Variants in MADD observed in about 807,000 individuals in gnomAD.
MADD encodes the protein MAP kinase activating death domain.
MADD carries 109 observed loss-of-function variants against 176.7 expected under a neutral mutation model. The observed-to-expected ratio is 0.62, with a 90% CI of 0.53 to 0.72. The LOEUF is 0.72. MADD is among the 30% of genes least tolerant of loss of function. The pLI, the probability that MADD is intolerant of heterozygous loss-of-function variation, is 0.00. For synonymous variants in MADD, 771 were observed against 771.3 expected (o/e 1.00, Z 0.01); for missense variants, 1,914 against 2,045.5 (o/e 0.94, Z 1.24).
intron 31 of MADD, chr11:47,328,068 AGGCAGGTCTG>A: frequency 1.0e-6 from 1 of 993,754 alleles, no homozygotes; most frequent in South Asian, 4.5e-5. Context: ...TCCCTCACAC[AGGCAGGTCTG>A]GGCTTCTCCT....
chr11:47,274,000 T>A, intron 2 of MADD, 24 bp downstream of exon 2: 1 of 1,608,404 alleles, frequency 6.2e-7, no homozygotes, highest in African/African-American at 1.3e-5. Flanking sequence ...GATTGACTTT[T>A]GTCTTAATAT....
At chr11:47,324,157 A>G (rs1009666513) in intron 28 of MADD, 108 bp from the exon 32 acceptor site, 12 of 951,630 alleles carry the variant, frequency 1.3e-5, no homozygotes, top group South Asian at 1.3e-4. Flanking sequence ...GACTACTTAA[A>G]ATTTTACCCC....
At chr11:47,288,980 A>G in intron 15 of MADD, 4 of 1,599,086 alleles carry the variant, frequency 2.5e-6, no homozygotes, top group Non-Finnish European at 3.4e-6. Flanking sequence ...TTTGGGCTAA[A>G]TACTCTAATG....
chr11:47,328,766 A>G, intron 32 of MADD, 62 bp downstream of exon 36: 1 of 1,607,196 alleles, frequency 6.2e-7, no homozygotes, highest in Non-Finnish European at 8.5e-7. Flanking sequence ...GGACCTTCGG[A>G]CAGGAGGAGG....
At chr11:47,274,483 C>T in intron 2 of MADD, 80 bp from the exon 3 acceptor site, 2 of 1,161,464 alleles carry the variant, frequency 1.7e-6, no homozygotes, top group South Asian at 1.4e-5. Context: ...GCATCTTGAG[C>T]TTTATTTGTT....
chr11:47,285,519 G>C (rs778368678), exon 14 of MADD: 2 of 1,614,014 alleles, frequency 1.2e-6, no homozygotes, highest in South Asian at 1.1e-5. Context: ...TCAGACTCTC[G>C]GGCAAGCTCT....
At chr11:47,318,274 G>T (rs991893625) in intron 27 of MADD, among the ~76,000 whole-genome samples, 1 of 152,118 alleles carries the variant, frequency 6.6e-6, no homozygotes, top group African/African-American at 2.4e-5. Context: ...TTTTGCCTAT[G>T]TTATCTGTTC....
At chr11:47,327,034 C>T (rs919577006) in intron 31 of MADD, 24 of 1,301,986 alleles carry the variant, frequency 1.8e-5, no homozygotes, top group Non-Finnish European at 2.2e-5. Context: ...AGGTGGGTTT[C>T]GAGTTTAGAG....
chr11:47,324,293 A>G (rs2095095039), exon 29 of MADD: 2 of 1,614,106 alleles, frequency 1.2e-6, no homozygotes, highest in South Asian at 1.1e-5. Flanking sequence ...TGTGTGAAGG[A>G]CAGCATGGAG....
intron 10 of MADD, 96 bp from the exon 11 acceptor site, chr11:47,284,082 C>A (rs921073312): frequency 1.2e-6 from 1 of 825,378 alleles, no homozygotes; most frequent in African/African-American, 1.7e-5. Flanking sequence ...GCCTTGAGTT[C>A]GGAGTGCTCC....
chr11:47,303,621 T>C (rs952761998), intron 22 of MADD, among the ~76,000 whole-genome samples: 3 of 150,006 alleles, frequency 2.0e-5, no homozygotes, highest in African/African-American at 7.4e-5. Flanking sequence ...TTTTTTTTTT[T>C]TTTTGAGACA....
chr11:47,289,395 CAGG>C (rs769059956), exon 16 of MADD: 2 of 1,613,520 alleles, frequency 1.2e-6, no homozygotes, highest in African/African-American at 2.7e-5. Context: ...CCACAGGAAA[CAGG>C]AGGGCGTTAG....
rs377109880 is a variant in MADD, at chr11:47,305,034, G to A, written c.3643-3557G>A. Among the ~76,000 whole-genome samples the A allele has an allele frequency of 2.1e-3, 321 of 152,306 alleles. 11 individuals carry two copies. In the South Asian group the frequency reaches 0.063, roughly 30 times the overall value. On this transcript the variant is annotated intron_variant, in intron 22 of 32. Transcript: ENST00000402192. ...TTCAACATGAGCAATAACTATGGGT[G>A]CCTCAAGAGTCCTAGGCTATAGAAG...
chr11:47,295,669 G>A, intron 21 of MADD, 90 bp downstream of exon 23: 2 of 1,591,836 alleles, frequency 1.3e-6, no homozygotes, highest in Non-Finnish European at 1.7e-6. Flanking sequence ...AGGCTGCTCT[G>A]AGTCTCAGGT....
At position 47,328,668 on chromosome 11, in the gene MADD, TA is replaced by T; in HGVS notation, c.4626del (p.Glu1543LysfsTer3). ...CCCGTCCGGTTTTAGTTCCTGAAAT[TA>T]AAGAAGTGGTGAGCCACAAGTACAA... On this transcript the variant is annotated frameshift_variant, in exon 32 of 33. Coordinates refer to ENST00000402192, the Ensembl canonical transcript of MADD. LOFTEE classifies it high-confidence loss of function. 1 of 1,614,188 alleles carries T rather than the reference TA, an allele frequency of 6.2e-7. No homozygotes were observed. Among genetic ancestry groups the T allele is most frequent in the South Asian group, 1.1e-5 (1 of 91,078 alleles).
intron 7 of MADD, 97 bp downstream of exon 7, chr11:47,279,176 C>G (rs1301680900): frequency 2.6e-6 from 3 of 1,169,258 alleles, no homozygotes; most frequent in East Asian, 5.2e-5. Flanking sequence ...TATCAAACTT[C>G]AAGTGGAGTA....
chr11:47,279,160 A>G (rs1288337441), intron 7 of MADD, 81 bp downstream of exon 7: 9 of 1,343,036 alleles, frequency 6.7e-6, no homozygotes, highest in Admixed American at 3.9e-5. Flanking sequence ...CTCAGAGCCA[A>G]TTTCCTATCA....
chr11:47,293,641 T>G (rs182724759), intron 19 of MADD, among the ~76,000 whole-genome samples: 196 of 152,262 alleles, frequency 1.3e-3, no homozygotes, highest in South Asian at 1.9e-3. Flanking sequence ...TTGCTCAGAA[T>G]TTTCTCAGGT....
exon 24 of MADD, chr11:47,309,333 C>T (rs768169513): frequency 1.2e-6 from 2 of 1,614,196 alleles, no homozygotes; most frequent in Admixed American, 3.3e-5. Flanking sequence ...AAGATGCCTT[C>T]TTAGATGCTG....
Sources: gnomAD v4.1 joint callset for allele counts (sites outside exome capture counted in the v4.1 genomes callset) on GRCh38, gnomAD v4.1.1 for gene constraint, MANE v1.5 for transcripts, NCBI Gene and HGNC (gene_info 2026-07-23, HGNC 2026-07-21) for gene names.